ZNF146: variants seen among roughly 807,000 people sequenced by gnomAD.
ZNF146 encodes the protein zinc finger protein 146.
A neutral mutation model predicts 22.2 loss-of-function variants in ZNF146; 9 were observed. The observed-to-expected ratio is 0.41, with a 90% confidence interval of 0.24 to 0.71. The LOEUF is 0.71. Among genes scored for constraint, ZNF146 ranks in the 30% least tolerant of loss-of-function variants. The pLI is 0.34. For missense variants in ZNF146, 194 were observed against 344.8 expected (o/e 0.56, Z 3.46); for synonymous variants, 108 against 119.2 (o/e 0.91, Z 0.61).
chr19:36,218,767 C>A (rs992367061), intron 2 of ZNF146, among the ~76,000 whole-genome samples: 1 of 151,182 alleles, frequency 6.6e-6, no homozygotes, highest in Non-Finnish European at 1.5e-5. Context: ...CTGCGCCCGG[C>A]CTAATATTTC....
Position 36,234,397 on chromosome 19 carries a change from C to T in ZNF146, c.-782-1262C>T, listed in dbSNP as rs562089002. 5.3e-5 allele frequency among the ~76,000 whole-genome samples: 8 copies of T among 152,234 alleles called. No homozygotes were observed. In the South Asian group the frequency reaches 1.5e-3, roughly 28 times the overall value. ...GGAGCTCTCCCATATAACAAAATAC[C>T]GTTTCACACCTTAGAAGATTAACCA... is the stretch of plus-strand genomic sequence containing the variant. On this transcript the variant is annotated intron_variant, in intron 3 of 3. Transcript: ENST00000443387.
chr19:36,217,187 C>A (rs1050391051), intron 1 of ZNF146, among the ~76,000 whole-genome samples: 2 of 87,946 alleles, frequency 2.3e-5, no homozygotes, highest in African/African-American at 9.9e-5. Context: ...CTCAGCCTCC[C>A]GAGTAGCTGG....
chr19:36,238,520 T>C lies in ZNF146; in HGVS notation c.*1201T>C, dbSNP rs957374752. 26 of 167,094 alleles carry C rather than the reference T, an allele frequency of 1.6e-4. No homozygotes were observed. Among genetic ancestry groups the C allele is most frequent in the Non-Finnish European group, 2.9e-4 (20 of 68,120 alleles). The allele number at this position is 167,094 out of a possible 1,614,324, so 10.4% of individuals were successfully genotyped here. A position where few individuals can be genotyped will look rare whatever the true frequency, so the allele number is the denominator to read the frequency against. On this transcript the variant is annotated 3_prime_UTR_variant, in exon 4 of 4. Transcript: ENST00000443387. ...GAAGATACTGATTGATTCTGGATTG[T>C]GGTATAGGGATATCTTGTCTTATTT...
rs1977443262 is a variant in ZNF146, at chr19:36,232,773, T to TA, written c.-782-2884dup. ...ATAGGAGCATGCCACCACATCCAGC[T>TA]AATTTTTTGTATTTTTAGTAGAGAC... On this transcript the variant is annotated intron_variant, in intron 3 of 3. Coordinates refer to ENST00000443387, the MANE Select transcript of ZNF146 (RefSeq NM_007145.3). Among the ~76,000 whole-genome samples the TA allele has an allele frequency of 2.0e-5, 3 of 152,082 alleles. No homozygotes were observed. In the South Asian group the frequency reaches 6.2e-4, roughly 31 times the overall value.
upstream of ZNF146, chr19:36,214,967 C>T (rs1036454169): frequency 2.6e-5 from 4 of 152,498 alleles, no homozygotes; most frequent in African/African-American, 9.7e-5. Context: ...ACCAGTAAAG[C>T]CTCAAGGGAA....
intron 3 of ZNF146, among the ~76,000 whole-genome samples, chr19:36,233,555 C>T (rs1176591916): frequency 2.0e-5 from 3 of 151,906 alleles, no homozygotes; most frequent in Non-Finnish European, 4.4e-5. Flanking sequence ...TGATCATTAT[C>T]GGGCGTTTCT....
intron 3 of ZNF146, among the ~76,000 whole-genome samples, chr19:36,232,623 T>C (rs1295833535): frequency 2.0e-5 from 3 of 149,038 alleles, no homozygotes; most frequent in Non-Finnish European, 3.0e-5. Flanking sequence ...TTTTTTTTTT[T>C]CCCGAGACAT....
intron 2 of ZNF146, among the ~76,000 whole-genome samples, chr19:36,223,537 G>A (rs941593373): frequency 6.6e-6 from 1 of 151,616 alleles, no homozygotes; most frequent in Non-Finnish European, 1.5e-5. Flanking sequence ...TAATTTTTTC[G>A]TATTTTTAGT....
At chr19:36,229,301 C>T (rs1977217798) in intron 3 of ZNF146, among the ~76,000 whole-genome samples, 1 of 152,240 alleles carries the variant, frequency 6.6e-6, no homozygotes. Flanking sequence ...ATGGACTCCT[C>T]TGCCTACCTT....
chr19:36,223,898 G>A (rs1385474108), intron 2 of ZNF146, among the ~76,000 whole-genome samples: 2 of 151,884 alleles, frequency 1.3e-5, no homozygotes, highest in Non-Finnish European at 2.9e-5. Context: ...GCCCAGGCTG[G>A]TCTCAAACTC....
At chr19:36,226,862 G>T (rs1977089049) in intron 2 of ZNF146, among the ~76,000 whole-genome samples, 1 of 152,098 alleles carries the variant, frequency 6.6e-6, no homozygotes. Context: ...AAGGCAGGTG[G>T]ATCACCTGTG....
At chr19:36,221,927 CT>C (rs60347994) in intron 2 of ZNF146, among the ~76,000 whole-genome samples, 4,029 of 109,878 alleles carry the variant, frequency 0.037, 57 homozygotes, top group African/African-American at 0.11. Flanking sequence ...TTTTTTCTTT[CT>C]TTTTTTTTTT....
At position 36,221,153 on chromosome 19, in the gene ZNF146, T is replaced by C. The variant is rs1047009807; in HGVS notation, c.-855+2958T>C. Among the ~76,000 whole-genome samples, 7 of 152,256 alleles carry C rather than the reference T, an allele frequency of 4.6e-5. No individual in the cohort carries two copies. The East Asian group carries it at 1.4e-3, about 29-fold the overall frequency. On this transcript the variant is annotated intron_variant, in intron 2 of 3. Coordinates refer to ENST00000443387, the MANE Select transcript of ZNF146 (RefSeq NM_007145.3). Reference sequence around the variant, plus strand: ...GAGCCACTGAGCCCAGCTTTTAAAATGCATCTCACTAAAGATGTATGTAGT... The same window carrying C: ...GAGCCACTGAGCCCAGCTTTTAAAACGCATCTCACTAAAGATGTATGTAGT...
intron 3 of ZNF146, 118 bp from the exon 4 acceptor site, chr19:36,235,541 A>C (rs985286108): frequency 3.9e-5 from 6 of 152,218 alleles, no homozygotes; most frequent in Admixed American, 6.5e-5. Flanking sequence ...GAAAATTAAC[A>C]AATAAAAGTG....
chr19:36,227,175 G>A (rs1254768058), intron 2 of ZNF146, among the ~76,000 whole-genome samples: 3 of 151,850 alleles, frequency 2.0e-5, no homozygotes, highest in Non-Finnish European at 4.4e-5. Context: ...GATCACCTGA[G>A]GTCAGGGGTT....
At chr19:36,225,760 T>C (rs1977040146) in intron 2 of ZNF146, among the ~76,000 whole-genome samples, 1 of 143,084 alleles carries the variant, frequency 7.0e-6, no homozygotes, top group South Asian at 2.3e-4. Flanking sequence ...TTCTTTTTTT[T>C]TTTTTTTTTT....
chr19:36,231,095 G>A lies in ZNF146; in HGVS notation c.-783+2276G>A, dbSNP rs190349414. ...ACCTCAAGAAGGATATACGTGACAC[G>A]CGTAAACGTGACCACAACTGACTTT... On this transcript the variant is annotated intron_variant, in intron 3 of 3. Transcript: ENST00000443387. 2.6e-5 allele frequency among the ~76,000 whole-genome samples: 4 copies of A among 152,218 alleles called. No individual in the cohort carries two copies. In the East Asian group the frequency reaches 7.7e-4, roughly 29 times the overall value.
At chr19:36,220,414 G>A (rs1976785698) in intron 2 of ZNF146, among the ~76,000 whole-genome samples, 1 of 150,312 alleles carries the variant, frequency 6.7e-6, no homozygotes, top group Non-Finnish European at 1.5e-5. Context: ...GCCCAGGCTG[G>A]AGTGCAGTGG....
chr19:36,235,221 G>A (rs73038084), intron 3 of ZNF146, among the ~76,000 whole-genome samples: 30 of 148,906 alleles, frequency 2.0e-4, no homozygotes, highest in African/African-American at 3.4e-4. Context: ...AAAAAAAAAA[G>A]AAGAAAGAAA....
Sources: gnomAD v4.1 joint callset for allele counts (sites outside exome capture counted in the v4.1 genomes callset) on GRCh38, gnomAD v4.1.1 for gene constraint, MANE v1.5 for transcripts, NCBI Gene and HGNC (gene_info 2026-07-23, HGNC 2026-07-21) for gene names.